Variants in SV2C observed in about 807,000 individuals in gnomAD.
The protein encoded by SV2C is solute carrier family 22 member B3.
SV2C carries 49 observed loss-of-function variants against 79.7 expected under a neutral mutation model. The ratio of observed to expected loss-of-function variants is 0.61; its 90% CI spans 0.49 to 0.78. The LOEUF is 0.78. Among genes scored for constraint, SV2C ranks in the 30% least tolerant of loss-of-function variants. The probability of loss-of-function intolerance (pLI) is 0.00; values close to 1 mark genes in which losing one functional copy is unlikely to be tolerated. For synonymous variants in SV2C, 334 were observed against 333.2 expected, an observed-to-expected ratio of 1.00 and a Z score of -0.03; for missense variants, 833 against 912.9, an observed-to-expected ratio of 0.91 and a Z score of 1.13.
the SV2C span, among the ~76,000 whole-genome samples, chr5:75,870,368 A>G: frequency 1.3e-5 from 2 of 152,036 alleles, no homozygotes; most frequent in Non-Finnish European, 2.9e-5. Context: ...CATTTCACAT[A>G]GTAAACAATG....
chr5:75,880,728 T>A, the SV2C span, among the ~76,000 whole-genome samples: 1 of 152,190 alleles, frequency 6.6e-6, no homozygotes, highest in Non-Finnish European at 1.5e-5. Flanking sequence ...CTCCAAACTC[T>A]TCCAACCTGT....
intron 2 of SV2C, among the ~76,000 whole-genome samples, chr5:76,182,018 C>G (rs1283919661): frequency 2.6e-5 from 4 of 152,182 alleles, no homozygotes; most frequent in Admixed American, 6.5e-5. Flanking sequence ...TAGACCTTCT[C>G]CAGGACTGTT....
At chr5:75,961,238 A>G in the SV2C span, among the ~76,000 whole-genome samples, 1 of 151,946 alleles carries the variant, frequency 6.6e-6, no homozygotes, top group East Asian at 1.9e-4. Context: ...ATTTTTTTGC[A>G]TATGTCTAGG....
At chr5:75,909,370 ACTTAGTCTAAAC>A in the SV2C span, among the ~76,000 whole-genome samples, 1 of 152,218 alleles carries the variant, frequency 6.6e-6, no homozygotes, top group South Asian at 2.1e-4. Flanking sequence ...TTAAAATGCC[ACTTAGTCTAAAC>A]CAGGGAGTTG....
intron 1 of SV2C, among the ~76,000 whole-genome samples, chr5:76,112,139 T>C (rs1378258604): frequency 6.6e-6 from 1 of 152,236 alleles, no homozygotes; most frequent in Non-Finnish European, 1.5e-5. Flanking sequence ...GTTCCTTTTC[T>C]CATGAAGTTT....
chr5:76,019,208 G>A, the SV2C span, among the ~76,000 whole-genome samples: 1 of 152,196 alleles, frequency 6.6e-6, no homozygotes, highest in African/African-American at 2.4e-5. Context: ...AGCCAAGAGA[G>A]TAGTTTCTAG....
chr5:76,031,906 G>A, the SV2C span, among the ~76,000 whole-genome samples: 2 of 152,176 alleles, frequency 1.3e-5, no homozygotes, highest in Non-Finnish European at 2.9e-5. Flanking sequence ...AAAGCTTACT[G>A]GCTGCCTTGA....
the SV2C span, among the ~76,000 whole-genome samples, chr5:75,856,604 T>C: frequency 1.3e-3 from 200 of 152,348 alleles, 2 homozygotes; most frequent in Middle Eastern, 0.017. Context: ...TTGAAAAATG[T>C]CTATTCAGAT....
chr5:75,850,033 G>C, the SV2C span, among the ~76,000 whole-genome samples: 1 of 152,130 alleles, frequency 6.6e-6, no homozygotes, highest in African/African-American at 2.4e-5. Context: ...TTTTTGAAGA[G>C]ATTTAATATC....
chr5:76,265,392 G>A (rs998789521), intron 4 of SV2C, among the ~76,000 whole-genome samples: 65 of 152,304 alleles, frequency 4.3e-4, no homozygotes, highest in Admixed American at 3.5e-3. Context: ...CCTGGGCTCC[G>A]TGGGAGTGGG....
chr5:75,976,043 CT>C, the SV2C span, among the ~76,000 whole-genome samples: 1 of 152,128 alleles, frequency 6.6e-6, no homozygotes. Context: ...ACAGCAATGG[CT>C]CATTTGAAGA....
chr5:76,291,105 A>C, intron 6 of SV2C, 116 bp from the exon 7 acceptor site: 3 of 619,196 alleles, frequency 4.8e-6, no homozygotes, highest in Non-Finnish European at 8.5e-6. Flanking sequence ...CTGATTACCA[A>C]ATACCGCCTA....
the SV2C span, among the ~76,000 whole-genome samples, chr5:75,932,140 T>C: frequency 3.3e-5 from 5 of 152,228 alleles, no homozygotes; most frequent in East Asian, 1.9e-4. Context: ...TGTTGGTAGA[T>C]GTCTTCAACA....
In SV2C at chr5:76,232,261, C is replaced by T. The variant is rs566340340; in HGVS notation, c.913+22374C>T. Among the ~76,000 whole-genome samples the T allele has an allele frequency of 1.5e-3, 220 of 148,216 alleles. 1 individual carries two copies. Among genetic ancestry groups the T allele is most frequent in the African/African-American group, 5.2e-3 (200 of 38,266 alleles). On this transcript the variant is annotated intron_variant, in intron 4 of 12. Transcript: ENST00000502798. The stretch of plus-strand genomic sequence containing the variant: ...CTTTTGAGAAGTGTCTGTTCATGTC[C>T]TTTGCCCACTTTTTGATGGGGTTGT...
At chr5:75,996,399 G>T in the SV2C span, among the ~76,000 whole-genome samples, 1 of 152,180 alleles carries the variant, frequency 6.6e-6, no homozygotes, top group Non-Finnish European at 1.5e-5. Flanking sequence ...TTGTAGTATA[G>T]TTTGAAGTCA....
At chr5:76,247,521 A>C (rs181417549) in intron 4 of SV2C, among the ~76,000 whole-genome samples, 3 of 152,300 alleles carry the variant, frequency 2.0e-5, no homozygotes, top group Admixed American at 6.5e-5. Context: ...CTGCAACGTG[A>C]TTATTTATTA....
At chr5:75,895,912 G>T in the SV2C span, among the ~76,000 whole-genome samples, 1 of 151,716 alleles carries the variant, frequency 6.6e-6, no homozygotes, top group African/African-American at 2.4e-5. Flanking sequence ...TACCTTTAGG[G>T]TTTCTATTTG....
intron 12 of SV2C, among the ~76,000 whole-genome samples, chr5:76,344,973 A>G (rs1428933147): frequency 6.6e-6 from 1 of 152,214 alleles, no homozygotes; most frequent in Non-Finnish European, 1.5e-5. Flanking sequence ...TAAGTTGTTC[A>G]ATCTTATTCT....
chr5:76,051,728 A>C, the SV2C span, among the ~76,000 whole-genome samples: 2 of 152,200 alleles, frequency 1.3e-5, no homozygotes, highest in Non-Finnish European at 2.9e-5. Context: ...AACAAACAAA[A>C]TATATCAAAA....
Sources: gnomAD v4.1 joint callset for allele counts (sites outside exome capture counted in the v4.1 genomes callset) on GRCh38, gnomAD v4.1.1 for gene constraint, MANE v1.5 for transcripts, NCBI Gene and HGNC (gene_info 2026-07-23, HGNC 2026-07-21) for gene names.